Variants in FRMD4A observed in about 807,000 individuals in gnomAD.
FRMD4A encodes the protein FERM domain-containing protein 4A.
In FRMD4A, 29 loss-of-function variants were observed where a neutral mutation model predicts 129.1. The ratio of observed to expected loss-of-function variants is 0.22; its 90% CI spans 0.17 to 0.31. The LOEUF (loss-of-function observed/expected upper bound fraction) is 0.31, where lower values mean the gene tolerates loss of function less well. Ranked by LOEUF, FRMD4A falls within the 10% of genes least tolerant of loss-of-function variation. The pLI is 1.00. For missense variants in FRMD4A, 1,272 were observed against 1,375.8 expected, an observed-to-expected ratio of 0.92 and a Z score of 1.19; for synonymous variants, 634 against 571.6, an observed-to-expected ratio of 1.11 and a Z score of -1.56.
At chr10:14,203,048 C>T (rs2031692) in intron 2 of FRMD4A, among the ~76,000 whole-genome samples, 34,974 of 152,014 alleles carry the variant, frequency 0.23, 4,387 homozygotes, top group Admixed American at 0.31. Flanking sequence ...GCTGAGATTA[C>T]AGGTGTGAGC....
chr10:13,995,336 C>T lies in FRMD4A; in HGVS notation c.46-136424G>A, dbSNP rs567128392. Reference sequence around the variant, plus strand: ...TGGTGGATCACACCTGTAATCCCAGCACTTTGGGAGGCCTAGGCAGGTGGA... The same window carrying T: ...TGGTGGATCACACCTGTAATCCCAGTACTTTGGGAGGCCTAGGCAGGTGGA... On this transcript the variant is annotated intron_variant, in intron 2 of 24. Coordinates refer to ENST00000357447, the MANE Select transcript of FRMD4A (RefSeq NM_018027.5). Among the ~76,000 whole-genome samples, 44 of 152,292 alleles carry T rather than the reference C, an allele frequency of 2.9e-4. 2 individuals carry two copies. Among genetic ancestry groups the T allele is most frequent in the South Asian group, 6.2e-4 (3 of 4,820 alleles).
intron 2 of FRMD4A, among the ~76,000 whole-genome samples, chr10:13,891,355 G>C (rs1196415427): frequency 6.6e-6 from 1 of 152,152 alleles, no homozygotes; most frequent in Non-Finnish European, 1.5e-5. Flanking sequence ...CTATCTCCCC[G>C]GGTAGATTCA....
intron 2 of FRMD4A, among the ~76,000 whole-genome samples, chr10:14,220,254 C>A (rs1386183812): frequency 2.0e-5 from 3 of 152,254 alleles, no homozygotes; most frequent in African/African-American, 7.2e-5. Context: ...GTCACCTCCA[C>A]CAAGTCAAGC....
chr10:13,738,467 G>A (rs1372886344), intron 11 of FRMD4A, among the ~76,000 whole-genome samples: 1 of 152,120 alleles, frequency 6.6e-6, no homozygotes, highest in Non-Finnish European at 1.5e-5. Context: ...CCCCAGCTCC[G>A]GGGAGCACAG....
chr10:14,267,059 A>G (rs1429279493), intron 2 of FRMD4A, among the ~76,000 whole-genome samples: 1 of 152,260 alleles, frequency 6.6e-6, no homozygotes, highest in Non-Finnish European at 1.5e-5. Context: ...GGGCAGGCAG[A>G]TAGGTGTGAT....
At chr10:14,002,842 A>C (rs1049655177) in intron 2 of FRMD4A, among the ~76,000 whole-genome samples, 7 of 152,208 alleles carry the variant, frequency 4.6e-5, no homozygotes, top group African/African-American at 1.7e-4. Context: ...GGGAGGAGGC[A>C]GAAATTGCCA....
intron 2 of FRMD4A, among the ~76,000 whole-genome samples, chr10:14,304,882 A>G (rs1239412599): frequency 6.6e-6 from 1 of 152,224 alleles, no homozygotes; most frequent in Non-Finnish European, 1.5e-5. Context: ...GAGCTGGGAT[A>G]ACTCTGAAGT....
chr10:13,689,835 G>A (rs1243385091), intron 15 of FRMD4A, among the ~76,000 whole-genome samples: 1 of 150,920 alleles, frequency 6.6e-6, no homozygotes, highest in Non-Finnish European at 1.5e-5. Flanking sequence ...CTACCCTCCT[G>A]AATAGGCGTG....
intron 2 of FRMD4A, among the ~76,000 whole-genome samples, chr10:14,141,542 C>T (rs1372451196): frequency 6.6e-6 from 1 of 151,558 alleles, no homozygotes; most frequent in African/African-American, 2.4e-5. Context: ...TGAGCACGTA[C>T]ATCACATTGC....
intron 2 of FRMD4A, among the ~76,000 whole-genome samples, chr10:13,908,559 T>A (rs1165475909): frequency 6.6e-6 from 1 of 152,262 alleles, no homozygotes; most frequent in Non-Finnish European, 1.5e-5. Context: ...TTGGATTCCA[T>A]GGTGCAAATA....
intron 4 of FRMD4A, among the ~76,000 whole-genome samples, chr10:13,799,656 G>A (rs1256983885): frequency 6.6e-6 from 1 of 152,148 alleles, no homozygotes; most frequent in Non-Finnish European, 1.5e-5. Flanking sequence ...TGTATGGCAT[G>A]CGCCTGGCCT....
Position 14,198,428 on chromosome 10 carries a change from G to A in FRMD4A, c.45+131630C>T, listed in dbSNP as rs114689332. Among the ~76,000 whole-genome samples, 1,440 of 152,322 alleles carry A rather than the reference G, an allele frequency of 9.5e-3. 25 individuals are homozygous for A. The highest frequency in any genetic ancestry group is 0.033 in the African/African-American group (1,389 of 41,560). On this transcript the variant is annotated intron_variant, in intron 2 of 24. Transcript: ENST00000357447. ...AACAAGGTTTACTGAAGGGGCCTAG[G>A]CAATTTCATGGAGGAGGAAGCAAAG...
chr10:14,003,077 C>T (rs767341607), intron 2 of FRMD4A, among the ~76,000 whole-genome samples: 1 of 152,074 alleles, frequency 6.6e-6, no homozygotes, highest in Non-Finnish European at 1.5e-5. Context: ...AATCACCCCT[C>T]GGTTTTAGAA....
At chr10:13,873,268 C>A in intron 2 of FRMD4A, among the ~76,000 whole-genome samples, 4 of 18,682 alleles carry the variant, frequency 2.1e-4, no homozygotes, top group African/African-American at 5.0e-4. Flanking sequence ...AAAGATAAGG[C>A]TGAAAAAAAA....
chr10:14,186,687 C>A (rs528850646), intron 2 of FRMD4A, among the ~76,000 whole-genome samples: 2 of 152,270 alleles, frequency 1.3e-5, no homozygotes, highest in Admixed American at 1.3e-4. Flanking sequence ...ATCTTCATAT[C>A]CTCATGAGAG....
At chr10:13,694,743 G>C (rs917541029) in intron 14 of FRMD4A, among the ~76,000 whole-genome samples, 4 of 152,076 alleles carry the variant, frequency 2.6e-5, no homozygotes, top group African/African-American at 9.7e-5. Flanking sequence ...TGGGGAGGCT[G>C]AGACAAGAGG....
chr10:14,314,274 T>C lies in FRMD4A; in HGVS notation c.45+15784A>G, dbSNP rs1846656770. ...ATCCACAACTGTTCCTTCGAGCTAC[T>C]CACTCTCACCTCACCTCTCCATGGC... On this transcript the variant is annotated intron_variant, in intron 2 of 24. Transcript: ENST00000357447. 2.0e-5 allele frequency among the ~76,000 whole-genome samples: 3 copies of C among 152,064 alleles called. No individual in the cohort carries two copies. The East Asian group carries it at 5.8e-4, about 29-fold the overall frequency.
chr10:13,916,083 T>C (rs903447964), intron 2 of FRMD4A, among the ~76,000 whole-genome samples: 1 of 152,228 alleles, frequency 6.6e-6, no homozygotes, highest in African/African-American at 2.4e-5. Context: ...GCAGGTCAAC[T>C]GGAACTGCAA....
intron 2 of FRMD4A, among the ~76,000 whole-genome samples, chr10:14,005,363 G>A (rs1190663072): frequency 6.6e-6 from 1 of 152,108 alleles, no homozygotes; most frequent in Non-Finnish European, 1.5e-5. Flanking sequence ...CCCTAGCACA[G>A]TGACGGGCTC....
Sources: allele counts gnomAD v4.1 joint callset (sites outside exome capture counted in the v4.1 genomes callset), GRCh38; gene constraint gnomAD v4.1.1; transcripts MANE v1.5; gene names NCBI Gene and HGNC (gene_info 2026-07-23, HGNC 2026-07-21).